Variants in ANKRD36C observed in about 807,000 individuals in gnomAD.
ANKRD36C encodes the protein ankyrin repeat domain 36C.
In ANKRD36C, 61 loss-of-function variants were observed where a neutral mutation model predicts 276.4. The ratio of observed to expected loss-of-function variants is 0.22; its 90% CI spans 0.18 to 0.27. The LOEUF is 0.27. ANKRD36C is among the 10% of genes least tolerant of loss of function. ANKRD36C has a pLI of 1.00. For missense variants in ANKRD36C, 1,447 were observed against 2,032.3 expected, an observed-to-expected ratio of 0.71 and a Z score of 5.54; for synonymous variants, 483 against 680.1, an observed-to-expected ratio of 0.71 and a Z score of 4.51.
chr2:95,855,899 T>C (rs1573718034), exon 63 of ANKRD36C: 4 of 1,613,842 alleles, frequency 2.5e-6, no homozygotes, highest in Non-Finnish European at 3.4e-6. Context: ...GCCCGCTCTC[T>C]CTTTGCTTCT....
intron 45 of ANKRD36C, 22 bp downstream of exon 65, chr2:95,891,810 A>G: frequency 1.3e-6 from 2 of 1,559,428 alleles, no homozygotes; most frequent in Non-Finnish European, 1.7e-6. Context: ...CTAGTTCACA[A>G]TATAAATGAC....
intron 6 of ANKRD36C, among the ~76,000 whole-genome samples, chr2:95,977,282 T>C (rs1475683111): frequency 6.6e-6 from 1 of 152,162 alleles, no homozygotes; most frequent in African/African-American, 2.4e-5. Context: ...TCATATTAAC[T>C]GTACCTCTTT....
chr2:95,888,585 T>G (rs573590317), intron 48 of ANKRD36C, among the ~76,000 whole-genome samples: 6 of 151,842 alleles, frequency 4.0e-5, no homozygotes, highest in Admixed American at 3.3e-4. Flanking sequence ...ACAATTACAA[T>G]GATATTACAG....
chr2:95,896,871 G>GTCTAC (rs1388990692), intron 44 of ANKRD36C, among the ~76,000 whole-genome samples: 3 of 149,458 alleles, frequency 2.0e-5, no homozygotes, highest in Non-Finnish European at 3.0e-5. Context: ...TCCTAACAGT[G>GTCTAC]TCTACGGGTT....
intron 14 of ANKRD36C, among the ~76,000 whole-genome samples, chr2:95,953,266 T>C (rs1305947887): frequency 6.6e-6 from 1 of 152,140 alleles, no homozygotes; most frequent in Non-Finnish European, 1.5e-5. Flanking sequence ...TAAGCACTTG[T>C]TATATTGCCA....
At chr2:95,858,476 T>C (rs73958139) in intron 61 of ANKRD36C, among the ~76,000 whole-genome samples, 1 of 152,196 alleles carries the variant, frequency 6.6e-6, no homozygotes, top group African/African-American at 2.4e-5. Flanking sequence ...CTAGTAAATA[T>C]TATGAAAAAG....
intron 60 of ANKRD36C, among the ~76,000 whole-genome samples, chr2:95,866,492 AAAG>A (rs1421125353): frequency 6.6e-6 from 1 of 152,140 alleles, no homozygotes; most frequent in Non-Finnish European, 1.5e-5. Context: ...ACAGTTCAAC[AAAG>A]AAGATGTACA....
chr2:95,946,919 T>A (rs1359192337), intron 17 of ANKRD36C, among the ~76,000 whole-genome samples: 11 of 138,728 alleles, frequency 7.9e-5, no homozygotes, highest in African/African-American at 2.2e-4. Flanking sequence ...GGGGTGGGGG[T>A]AGGGGGGAGG....
chr2:95,881,466 A>G (rs1272749573), intron 56 of ANKRD36C, among the ~76,000 whole-genome samples: 10 of 151,742 alleles, frequency 6.6e-5, no homozygotes. Flanking sequence ...TGTCTGTAAA[A>G]TTAGTCTGCT....
intron 19 of ANKRD36C, among the ~76,000 whole-genome samples, chr2:95,943,259 A>G (rs1370952835): frequency 1.3e-5 from 2 of 152,302 alleles, no homozygotes; most frequent in Non-Finnish European, 2.9e-5. Flanking sequence ...CGAGGCGGGC[A>G]GATCACGAGG....
intron 48 of ANKRD36C, among the ~76,000 whole-genome samples, chr2:95,888,994 A>G (rs1174750184): frequency 2.0e-5 from 3 of 151,596 alleles, no homozygotes; most frequent in African/African-American, 7.3e-5. Flanking sequence ...GCTATTCCCT[A>G]AAGAAGTTTC....
chr2:95,987,185 A>G (rs910955046), exon 2 of ANKRD36C: 6 of 1,548,078 alleles, frequency 3.9e-6, no homozygotes, highest in Non-Finnish European at 5.2e-6. Flanking sequence ...GGCCAGTGGC[A>G]CAGGCCAAAT....
intron 59 of ANKRD36C, 43 bp downstream of exon 79, chr2:95,876,396 A>C (rs1675954406): frequency 1.4e-6 from 2 of 1,478,986 alleles, no homozygotes; most frequent in Non-Finnish European, 1.9e-6. Flanking sequence ...AAAGCTAGGA[A>C]AACAAGATTA....
intron 40 of ANKRD36C, among the ~76,000 whole-genome samples, chr2:95,913,620 T>C (rs1420709256): frequency 2.0e-5 from 3 of 151,466 alleles, no homozygotes; most frequent in Middle Eastern, 3.2e-3. Context: ...ATTATATAAA[T>C]GACTTCCTCT....
At position 95,918,054 on chromosome 2, in the gene ANKRD36C, A is replaced by C; in HGVS notation, c.2246-12T>G. 6.3e-7 allele frequency: 1 copy of C among 1,599,508 alleles called. No homozygotes were observed. Among genetic ancestry groups the C allele is most frequent in the Non-Finnish European group, 8.5e-7 (1 of 1,174,880 alleles). ...TTTCTGAGAAGACACTGAAAAGCAA[A>C]AGGGATACATAATCACTCATGTGTA... On this transcript the variant is annotated splice_polypyrimidine_tract_variant and intron_variant, in intron 34 of 66. Transcript: ENST00000456556.
At chr2:95,970,962 A>T (rs1050720339) in intron 6 of ANKRD36C, among the ~76,000 whole-genome samples, 17 of 152,236 alleles carry the variant, frequency 1.1e-4, no homozygotes, top group Middle Eastern at 3.4e-3. Context: ...TGTCTATATA[A>T]ATTATGCTTT....
intron 40 of ANKRD36C, 98 bp from the exon 43 acceptor site, chr2:95,912,533 T>G: frequency 6.3e-7 from 1 of 1,578,026 alleles, no homozygotes. Context: ...ACCTCCTGCC[T>G]GTATTAGTGG....
chr2:95,883,201 A>G (rs1676126887), intron 54 of ANKRD36C, among the ~76,000 whole-genome samples: 1 of 152,266 alleles, frequency 6.6e-6, no homozygotes, highest in African/African-American at 2.4e-5. Context: ...AGTATAATAA[A>G]TGATCAAATT....
intron 46 of ANKRD36C, among the ~76,000 whole-genome samples, chr2:95,891,411 C>A (rs1233399310): frequency 6.6e-6 from 1 of 151,426 alleles, no homozygotes; most frequent in African/African-American, 2.4e-5. Flanking sequence ...TTTCCCAGAG[C>A]CCCTTATGCC....
Sources: allele counts gnomAD v4.1 joint callset (sites outside exome capture counted in the v4.1 genomes callset), GRCh38; gene constraint gnomAD v4.1.1; transcripts MANE v1.5; gene names NCBI Gene and HGNC (gene_info 2026-07-23, HGNC 2026-07-21).